Variants in PHACTR3 observed in about 807,000 individuals in gnomAD.
The protein encoded by PHACTR3 is phosphatase and actin regulator 3, also known as protein phosphatase 1, regulatory subunit 123.
PHACTR3 carries 16 observed loss-of-function variants against 66.8 expected under a neutral mutation model. The observed-to-expected ratio is 0.24, with a 90% confidence interval of 0.16 to 0.36. PHACTR3 has a LOEUF of 0.36. PHACTR3 is among the 10% of genes least tolerant of loss of function. The pLI, the probability that PHACTR3 is intolerant of heterozygous loss-of-function variation, is 1.00. For synonymous variants in PHACTR3, 323 were observed against 292.1 expected (o/e 1.11, Z -1.08); for missense variants, 647 against 719.9 (o/e 0.90, Z 1.16).
chr20:59,666,934 T>C (rs2062052168), intron 1 of PHACTR3, among the ~76,000 whole-genome samples: 1 of 152,238 alleles, frequency 6.6e-6, no homozygotes, highest in African/African-American at 2.4e-5. Context: ...CACATGAAAC[T>C]GCAGCACTTC....
intron 5 of PHACTR3, among the ~76,000 whole-genome samples, chr20:59,770,898 A>G (rs565776750): frequency 1.3e-5 from 2 of 152,328 alleles, no homozygotes; most frequent in African/African-American, 4.8e-5. Flanking sequence ...GGAGTCCCAC[A>G]GCCTCTGCCA....
chr20:59,594,803 T>C (rs924767204), intron 1 of PHACTR3, among the ~76,000 whole-genome samples: 5 of 152,192 alleles, frequency 3.3e-5, no homozygotes, highest in African/African-American at 1.2e-4. Context: ...TATGCTCTAA[T>C]TTTTTATTAA....
chr20:59,725,836 G>C (rs1423590127), intron 1 of PHACTR3, among the ~76,000 whole-genome samples: 2 of 152,322 alleles, frequency 1.3e-5, no homozygotes, highest in Middle Eastern at 3.4e-3. Context: ...GGAGGACAGA[G>C]AGGCTGAGAG....
At chr20:59,839,473 A>G (rs2059018997) in intron 9 of PHACTR3, among the ~76,000 whole-genome samples, 2 of 152,184 alleles carry the variant, frequency 1.3e-5, no homozygotes, top group African/African-American at 4.8e-5. Flanking sequence ...ACCAAAACCT[A>G]CCAGTGTTTC....
intron 1 of PHACTR3, among the ~76,000 whole-genome samples, chr20:59,658,735 C>T (rs1398943192): frequency 6.6e-6 from 1 of 152,168 alleles, no homozygotes; most frequent in East Asian, 1.9e-4. Flanking sequence ...TTATTTTTGA[C>T]AATGTCCAGG....
At chr20:59,811,594 G>A (rs2041737763) in intron 8 of PHACTR3, among the ~76,000 whole-genome samples, 1 of 152,022 alleles carries the variant, frequency 6.6e-6, no homozygotes, top group African/African-American at 2.4e-5. Context: ...GGGAGGCAGA[G>A]TTTGCAGTGA....
chr20:59,579,723 A>C (rs961926065), intron 1 of PHACTR3, among the ~76,000 whole-genome samples: 3 of 152,248 alleles, frequency 2.0e-5, no homozygotes, highest in Non-Finnish European at 4.4e-5. Flanking sequence ...CAGAGTTGCC[A>C]GCTGCTTGGA....
rs2040422098 is a variant in PHACTR3 at position 59,773,396 on chromosome 20, C to A, written c.869C>A (p.Pro290Gln). Reference sequence around the variant, plus strand: ...ACCACGGTCCACCGGCCTCTTCCCCCAAGCCGCGTCATTGAGGAGCTGCAC... The same window carrying A: ...ACCACGGTCCACCGGCCTCTTCCCCAAAGCCGCGTCATTGAGGAGCTGCAC... The part of the protein sequence containing the change: ...HLTTVHRPLP[P>Q]SRVIEELHRA... Residue 290 changes from proline to glutamine, a missense_variant, in exon 6 of 13, where the codon CCA (proline) becomes CAA (glutamine). Coordinates refer to ENST00000371015, the MANE Select transcript of PHACTR3 (RefSeq NM_080672.5). 1 of 1,614,122 alleles carries A rather than the reference C, an allele frequency of 6.2e-7. No homozygotes were observed. Among genetic ancestry groups the A allele is most frequent in the East Asian group, 2.2e-5 (1 of 44,878 alleles).
intron 7 of PHACTR3, among the ~76,000 whole-genome samples, chr20:59,795,399 C>G (rs956438405): frequency 5.2e-4 from 4 of 7,688 alleles, no homozygotes; most frequent in African/African-American, 5.1e-3. Flanking sequence ...TGTTTTCTGG[C>G]CTAATATATT....
intron 8 of PHACTR3, among the ~76,000 whole-genome samples, chr20:59,816,683 A>G (rs914171105): frequency 1.3e-5 from 2 of 152,228 alleles, no homozygotes; most frequent in Admixed American, 6.5e-5. Flanking sequence ...GGTACACAGT[A>G]GGCTCCCAGC....
chr20:59,712,341 C>G (rs1287723004), intron 1 of PHACTR3, among the ~76,000 whole-genome samples: 2 of 152,166 alleles, frequency 1.3e-5, no homozygotes, highest in African/African-American at 4.8e-5. Context: ...TTGACCTAAC[C>G]TATCCCATAT....
intron 7 of PHACTR3, among the ~76,000 whole-genome samples, chr20:59,797,455 C>T (rs954557169): frequency 2.1e-4 from 32 of 151,938 alleles, no homozygotes; most frequent in Non-Finnish European, 3.7e-4. Context: ...GGTACAATCA[C>T]CTCTTCTAAT....
intron 2 of PHACTR3, among the ~76,000 whole-genome samples, chr20:59,743,729 A>C (rs955996228): frequency 1.3e-5 from 2 of 152,132 alleles, no homozygotes; most frequent in African/African-American, 4.8e-5. Context: ...TCGTACCCCC[A>C]CAGATGCAGG....
intron 2 of PHACTR3, among the ~76,000 whole-genome samples, chr20:59,745,105 G>C (rs937762278): frequency 6.6e-6 from 1 of 152,202 alleles, no homozygotes; most frequent in Non-Finnish European, 1.5e-5. Context: ...CCAGTGGTCC[G>C]AGAAGACCCA....
At chr20:59,796,206 A>G (rs897675756) in intron 7 of PHACTR3, among the ~76,000 whole-genome samples, 3 of 152,142 alleles carry the variant, frequency 2.0e-5, no homozygotes, top group African/African-American at 7.2e-5. Context: ...GTAGAAAACA[A>G]TGTAACTCTG....
chr20:59,698,754 T>G (rs550033406), intron 1 of PHACTR3, among the ~76,000 whole-genome samples: 1 of 152,322 alleles, frequency 6.6e-6, no homozygotes, highest in Non-Finnish European at 1.5e-5. Context: ...AGCAAACATT[T>G]ATTAATTAGC....
rs375274272 is a variant in PHACTR3 at position 59,689,955 on chromosome 20, T to C, written c.119-53152T>C. The stretch of plus-strand genomic sequence containing the variant: ...ATCCTGAGCCTTCCAGCTTCCTCTG[T>C]TGGGCCCATCTAATTGGGTTTCTGC... On this transcript the variant is annotated intron_variant, in intron 1 of 12. Coordinates refer to ENST00000371015, the MANE Select transcript of PHACTR3 (RefSeq NM_080672.5). Among the ~76,000 whole-genome samples the C allele has an allele frequency of 5.9e-5, 9 of 152,288 alleles. No homozygotes were observed. In the East Asian group the frequency reaches 1.5e-3, roughly 26 times the overall value.
rs57970467 is a variant in PHACTR3 at position 59,682,166 on chromosome 20, C to T, written c.119-60941C>T. On this transcript the variant is annotated intron_variant, in intron 1 of 12. Transcript: ENST00000371015. ...GCCAGCCTGGCCAACATGGCAAAACCCCGTCTCTACTAAAAATACAAAAAT... is the reference window on the plus strand; with the variant it reads ...GCCAGCCTGGCCAACATGGCAAAACTCCGTCTCTACTAAAAATACAAAAAT... Among the ~76,000 whole-genome samples, 211 of 152,194 alleles carry T rather than the reference C, an allele frequency of 1.4e-3. 1 individual carries two copies. The highest frequency in any genetic ancestry group is 4.7e-3 in the African/African-American group (196 of 41,518).
chr20:59,643,853 G>C (rs1413659554), intron 1 of PHACTR3, among the ~76,000 whole-genome samples: 1 of 152,194 alleles, frequency 6.6e-6, no homozygotes, highest in Non-Finnish European at 1.5e-5. Flanking sequence ...CTCGCCTCCT[G>C]TAGTCACAGT....
Sources: allele counts gnomAD v4.1 joint callset (sites outside exome capture counted in the v4.1 genomes callset), GRCh38; gene constraint gnomAD v4.1.1; transcripts MANE v1.5; gene names NCBI Gene and HGNC (gene_info 2026-07-23, HGNC 2026-07-21).